Variants in PACRG observed in about 807,000 individuals in gnomAD.
PACRG encodes the protein parkin coregulated gene protein.
A neutral mutation model predicts 29.7 loss-of-function variants in PACRG; 29 were observed. That is an observed-to-expected ratio of 0.98 (90% CI 0.73 to 1.33). PACRG has a LOEUF of 1.33. PACRG is among the 40% of genes most tolerant of loss of function. The probability of loss-of-function intolerance (pLI) is 0.00; values close to 1 mark genes in which losing one functional copy is unlikely to be tolerated. For missense variants in PACRG, 279 were observed against 316.2 expected (o/e 0.88, Z 0.89); for synonymous variants, 116 against 118.7 (o/e 0.98, Z 0.15).
chr6:163,061,912 T>C (rs1811128800), intron 2 of PACRG, among the ~76,000 whole-genome samples: 1 of 152,184 alleles, frequency 6.6e-6, no homozygotes, highest in African/African-American at 2.4e-5. Context: ...TCAATGTGCA[T>C]TGTATGTGGA....
intron 3 of PACRG, among the ~76,000 whole-genome samples, chr6:163,083,503 A>G (rs936539964): frequency 6.6e-6 from 1 of 152,192 alleles, no homozygotes; most frequent in African/African-American, 2.4e-5. Flanking sequence ...CCTTGGGTAC[A>G]TGTCAGGACG....
chr6:163,131,263 A>C (rs1309725591), intron 4 of PACRG, among the ~76,000 whole-genome samples: 1 of 10,404 alleles, frequency 9.6e-5, no homozygotes, highest in Non-Finnish European at 2.2e-4. Context: ...AGCCCAGATC[A>C]CGCCACTGCA....
intron 4 of PACRG, among the ~76,000 whole-genome samples, chr6:163,285,681 G>A (rs1369551512): frequency 6.6e-6 from 1 of 152,224 alleles, no homozygotes; most frequent in Non-Finnish European, 1.5e-5. Flanking sequence ...TGATGGGGAA[G>A]GAATAATAAC....
rs147514448 is a variant in PACRG, at chr6:162,792,912, A to G, written c.157-21235A>G. Among the ~76,000 whole-genome samples the G allele has an allele frequency of 5.0e-3, 759 of 152,262 alleles. 7 individuals carry two copies. Among genetic ancestry groups the G allele is most frequent in the African/African-American group, 0.014 (587 of 41,542 alleles). On this transcript the variant is annotated intron_variant, in intron 1 of 4. Coordinates refer to ENST00000366888, the MANE Select transcript of PACRG (RefSeq NM_001080379.2). ...AAATGAGAGGTGACCTAGTGTTTAC[A>G]CTTTATTGGGACTAAAGGGCATGGT... is the stretch of plus-strand genomic sequence containing the variant.
intron 2 of PACRG, among the ~76,000 whole-genome samples, chr6:163,024,631 G>C (rs1203180728): frequency 2.0e-5 from 3 of 152,150 alleles, no homozygotes; most frequent in Admixed American, 2.0e-4. Flanking sequence ...AGTTTAATAG[G>C]AATATCATTG....
intron 2 of PACRG, among the ~76,000 whole-genome samples, chr6:163,028,109 T>C (rs1807316876): frequency 6.6e-6 from 1 of 152,120 alleles, no homozygotes; most frequent in South Asian, 2.1e-4. Context: ...GCAGAGGTGG[T>C]TCATTTGGGT....
At chr6:163,156,683 A>C (rs1192332821) in intron 4 of PACRG, among the ~76,000 whole-genome samples, 1 of 152,232 alleles carries the variant, frequency 6.6e-6, no homozygotes, top group Non-Finnish European at 1.5e-5. Context: ...AGAAGTCCAC[A>C]TAGGTCATAC....
At chr6:163,278,860 C>T (rs2128183080) in intron 4 of PACRG, among the ~76,000 whole-genome samples, 1 of 152,174 alleles carries the variant, frequency 6.6e-6, no homozygotes, top group Non-Finnish European at 1.5e-5. Context: ...GTTTTTTCTA[C>T]TTCTTTGAAG....
At chr6:162,827,675 T>G (rs1325453487) in intron 2 of PACRG, among the ~76,000 whole-genome samples, 3 of 152,174 alleles carry the variant, frequency 2.0e-5, no homozygotes, top group African/African-American at 7.2e-5. Flanking sequence ...GTCTTGTACT[T>G]TATACATCAG....
intron 4 of PACRG, among the ~76,000 whole-genome samples, chr6:163,125,045 C>T (rs1027079025): frequency 4.6e-5 from 7 of 152,022 alleles, no homozygotes; most frequent in South Asian, 2.1e-4. Flanking sequence ...AATTGTGCAA[C>T]GGAAGGATAA....
At chr6:162,753,033 A>G (rs1280105558) in intron 1 of PACRG, among the ~76,000 whole-genome samples, 1 of 152,228 alleles carries the variant, frequency 6.6e-6, no homozygotes, top group Non-Finnish European at 1.5e-5. Context: ...GTTTTGATAT[A>G]TGTATACAAT....
intron 4 of PACRG, chr6:163,090,206 T>G (rs906360885): frequency 7.2e-5 from 11 of 152,168 alleles, no homozygotes; most frequent in Non-Finnish European, 4.4e-5. Context: ...GAAGCTGAGT[T>G]TACAGCAGCT....
chr6:162,981,287 A>C (rs922355957), intron 2 of PACRG, among the ~76,000 whole-genome samples: 3 of 148,148 alleles, frequency 2.0e-5, no homozygotes, highest in Admixed American at 6.7e-5. Flanking sequence ...TTTATGTATA[A>C]AACATATATA....
chr6:163,190,523 G>C (rs1319622522), intron 4 of PACRG: 1 of 153,062 alleles, frequency 6.5e-6, no homozygotes, highest in Admixed American at 6.5e-5. Context: ...GCCCTGCCTA[G>C]CAGCACAAGG....
chr6:163,133,873 T>C (rs1317970534), intron 4 of PACRG, among the ~76,000 whole-genome samples: 5 of 152,222 alleles, frequency 3.3e-5, no homozygotes, highest in Non-Finnish European at 7.3e-5. Context: ...CTTAATATTG[T>C]GCAATTCCAA....
intron 3 of PACRG, among the ~76,000 whole-genome samples, chr6:163,067,311 G>A (rs1256358652): frequency 6.6e-6 from 1 of 152,216 alleles, no homozygotes; most frequent in Non-Finnish European, 1.5e-5. Flanking sequence ...GTGCTTGGAC[G>A]CCCCAGGCCC....
chr6:162,885,913 T>C (rs1324872338), intron 2 of PACRG, among the ~76,000 whole-genome samples: 2 of 152,240 alleles, frequency 1.3e-5, no homozygotes, highest in East Asian at 3.8e-4. Flanking sequence ...TACATAAAGT[T>C]ACTTTATCAA....
chr6:163,303,210 GC>G (rs1785068230), intron 4 of PACRG, among the ~76,000 whole-genome samples: 1 of 152,170 alleles, frequency 6.6e-6, no homozygotes, highest in South Asian at 2.1e-4. Context: ...CGTGGTCCCA[GC>G]TACTCGGGAG....
intron 4 of PACRG, among the ~76,000 whole-genome samples, chr6:163,120,156 A>G (rs183219547): frequency 1.1e-4 from 17 of 152,278 alleles, no homozygotes; most frequent in Admixed American, 1.1e-3. Flanking sequence ...GATGAATTAT[A>G]TGAAATAAGA....
Sources: allele counts gnomAD v4.1 joint callset (sites outside exome capture counted in the v4.1 genomes callset), GRCh38; gene constraint gnomAD v4.1.1; transcripts MANE v1.5; gene names NCBI Gene and HGNC (gene_info 2026-07-23, HGNC 2026-07-21).